The following WDR44 variants were observed in gnomAD, a reference collection of about 807,000 sequenced individuals.
The protein encoded by WDR44 is WD repeat domain 44.
A neutral mutation model predicts 65.7 loss-of-function variants in WDR44; 9 were observed. The observed-to-expected ratio is 0.14, with a 90% CI of 0.08 to 0.24. The LOEUF (loss-of-function observed/expected upper bound fraction) is 0.24, where lower values mean the gene tolerates loss of function less well. Among genes scored for constraint, WDR44 ranks in the 10% least tolerant of loss-of-function variants. The pLI is 1.00. For synonymous variants in WDR44, 220 were observed against 235.2 expected (o/e 0.94, Z 0.59); for missense variants, 425 against 670.9 (o/e 0.63, Z 4.05).
At chrX:118,398,667 C>T (rs2056886974) in intron 8 of WDR44, among the ~76,000 whole-genome samples, 197 bp downstream of exon 8, 1 of 112,551 alleles carries the variant, frequency 8.9e-6, no homozygotes, top group Admixed American at 9.4e-5. Context: ...TGGCTCACGC[C>T]TATAATCCCA....
At chrX:118,439,102 A>G (rs1186865228) in intron 14 of WDR44, among the ~76,000 whole-genome samples, 3 of 108,944 alleles carry the variant, frequency 2.8e-5, no homozygotes, top group African/African-American at 1.0e-4. Flanking sequence ...ATGATTTTTT[A>G]TAGTGCTTTT....
intron 3 of WDR44, 59 bp downstream of exon 3, chrX:118,387,473 T>C (rs2056781828): frequency 3.4e-6 from 3 of 878,020 alleles, no homozygotes; most frequent in East Asian, 3.3e-5. Flanking sequence ...ATATGGTATA[T>C]TTCAAACAGC....
At chrX:118,380,896 G>A (rs1282788536) in intron 2 of WDR44, among the ~76,000 whole-genome samples, 1 of 111,682 alleles carries the variant, frequency 9.0e-6, no homozygotes, top group Non-Finnish European at 1.9e-5. Context: ...GGTTTGCATA[G>A]GTAGATAGAG....
chrX:118,432,488 C>T lies in WDR44; in HGVS notation c.1738-293C>T, dbSNP rs192514459. Among the ~76,000 whole-genome samples, 5 of 111,847 alleles carry T rather than the reference C, an allele frequency of 4.5e-5. No homozygotes were observed. In the East Asian group the frequency reaches 1.1e-3, roughly 25 times the overall value. ...TAGCTTAGACCAATCATGATTCACT[C>T]GCTGGTACTGGCCGTCACCTCTCCT... On this transcript the variant is annotated intron_variant, in intron 12 of 19. Transcript: ENST00000254029.
intron 1 of WDR44, among the ~76,000 whole-genome samples, chrX:118,352,046 G>A (rs1333055464): frequency 9.1e-6 from 1 of 109,346 alleles, no homozygotes; most frequent in Non-Finnish European, 1.9e-5. Flanking sequence ...GGGGGCTCAA[G>A]TTGAATCTGT....
chrX:118,408,329 A>C (rs2056984938), intron 10 of WDR44, among the ~76,000 whole-genome samples: 1 of 111,321 alleles, frequency 9.0e-6, no homozygotes, highest in Non-Finnish European at 1.9e-5. Flanking sequence ...GATTCTGGTC[A>C]TATACTTTGA....
intron 12 of WDR44, among the ~76,000 whole-genome samples, chrX:118,430,772 CAG>C (rs2057203309): frequency 9.0e-6 from 1 of 111,628 alleles, no homozygotes; most frequent in Admixed American, 9.5e-5. Flanking sequence ...ACTTGGGAGA[CAG>C]AGGTTGCAGT....
chrX:118,432,480 G>T (rs2057220176), intron 12 of WDR44, among the ~76,000 whole-genome samples: 2 of 111,766 alleles, frequency 1.8e-5, no homozygotes, highest in African/African-American at 6.5e-5. Context: ...GACCAATCAT[G>T]ATTCACTCGC....
intron 1 of WDR44, among the ~76,000 whole-genome samples, chrX:118,368,459 C>CTATATATATATGTATATATATA (rs2056573463): frequency 1.4e-5 from 1 of 72,921 alleles, no homozygotes; most frequent in Non-Finnish European, 2.4e-5. Flanking sequence ...GAAATAGTGA[C>CTATATATATATGTATATATATA]TATATATATA....
chrX:118,352,233 C>T (rs1213031363), intron 1 of WDR44, among the ~76,000 whole-genome samples: 4 of 94,189 alleles, frequency 4.2e-5, no homozygotes, highest in Non-Finnish European at 8.3e-5. Flanking sequence ...ACTGCAGCCT[C>T]GACCTCCCCA....
At chrX:118,382,228 GT>G (rs145260565) in intron 2 of WDR44, among the ~76,000 whole-genome samples, 14 of 110,322 alleles carry the variant, frequency 1.3e-4, no homozygotes, top group African/African-American at 4.6e-4. Context: ...TGCCAAGGTG[GT>G]TTTTTTGTTT....
At chrX:118,359,768 C>T (rs2056495357) in intron 1 of WDR44, among the ~76,000 whole-genome samples, 1 of 112,035 alleles carries the variant, frequency 8.9e-6, no homozygotes, top group Non-Finnish European at 1.9e-5. Context: ...ATCTGCTATG[C>T]TTTCATAGTA....
intron 12 of WDR44, 108 bp downstream of exon 12, chrX:118,411,067 TA>T: frequency 1.6e-6 from 1 of 618,881 alleles, no homozygotes; most frequent in Non-Finnish European, 2.4e-6. Flanking sequence ...ACACTTAATA[TA>T]AAATTAAGAT....
At chrX:118,406,706 G>A (rs2056971106) in intron 9 of WDR44, among the ~76,000 whole-genome samples, 169 bp from the exon 10 acceptor site, 1 of 111,843 alleles carries the variant, frequency 8.9e-6, no homozygotes, top group African/African-American at 3.3e-5. Flanking sequence ...AGCTGGATTT[G>A]AACCTGGCAG....
chrX:118,434,002 C>A (rs180716646), intron 13 of WDR44, among the ~76,000 whole-genome samples: 2 of 111,862 alleles, frequency 1.8e-5, no homozygotes, highest in Non-Finnish European at 3.8e-5. Flanking sequence ...TAGGGAGATA[C>A]GGGAGTTTAG....
intron 1 of WDR44, among the ~76,000 whole-genome samples, chrX:118,366,983 G>A (rs1186345291): frequency 9.1e-6 from 1 of 110,463 alleles, no homozygotes; most frequent in Non-Finnish European, 1.9e-5. Flanking sequence ...CTACTCAGGA[G>A]GCTGAGGCAG....
At chrX:118,423,762 G>A (rs186142697) in intron 12 of WDR44, among the ~76,000 whole-genome samples, 19 of 111,541 alleles carry the variant, frequency 1.7e-4, no homozygotes, top group Admixed American at 1.3e-3. Flanking sequence ...CACCTGTTTC[G>A]CCAGCCCCAA....
At chrX:118,382,074 G>C (rs1237126613) in intron 2 of WDR44, among the ~76,000 whole-genome samples, 1 of 111,365 alleles carries the variant, frequency 9.0e-6, no homozygotes, top group African/African-American at 3.3e-5. Context: ...TTGCTAGGTT[G>C]TCCAGACTGG....
At chrX:118,376,138 A>C (rs34460508) in intron 1 of WDR44, among the ~76,000 whole-genome samples, 215 of 110,122 alleles carry the variant, frequency 2.0e-3, no homozygotes, top group African/African-American at 6.9e-3. Flanking sequence ...GGGTGTCACT[A>C]TATTGCCTAG....
Sources: gnomAD v4.1 joint callset for allele counts (sites outside exome capture counted in the v4.1 genomes callset) on GRCh38, gnomAD v4.1.1 for gene constraint, MANE v1.5 for transcripts, NCBI Gene and HGNC (gene_info 2026-07-23, HGNC 2026-07-21) for gene names.